The following TBC1D4 variants were observed in gnomAD, a reference collection of about 807,000 sequenced individuals.
The protein encoded by TBC1D4 is TBC (Tre-2, BUB2, CDC16) domain-containing protein.
Under a neutral mutation model 142.5 loss-of-function variants are expected in TBC1D4, and 121 were observed. The observed-to-expected ratio is 0.85, with a 90% CI of 0.73 to 0.99. The LOEUF is 0.99. Among genes scored for constraint, TBC1D4 ranks in the 50% least tolerant of loss-of-function variants. TBC1D4 has a pLI of 0.00. For synonymous variants in TBC1D4, 630 were observed against 628.2 expected, an observed-to-expected ratio of 1.00 and a Z score of -0.04; for missense variants, 1,475 against 1,606.6, an observed-to-expected ratio of 0.92 and a Z score of 1.40.
chr13:75,385,886 T>C (rs1884137822), intron 1 of TBC1D4, among the ~76,000 whole-genome samples: 1 of 152,204 alleles, frequency 6.6e-6, no homozygotes, highest in Non-Finnish European at 1.5e-5. Flanking sequence ...AGTCTTGAGA[T>C]GATAACATCA....
intron 1 of TBC1D4, among the ~76,000 whole-genome samples, chr13:75,395,650 G>C (rs1013621620): frequency 6.6e-6 from 1 of 152,062 alleles, no homozygotes; most frequent in East Asian, 1.9e-4. Flanking sequence ...GGACAACATG[G>C]AGAAACCCTA....
chr13:75,301,634 G>T (rs1876560696), intron 16 of TBC1D4, among the ~76,000 whole-genome samples: 1 of 147,986 alleles, frequency 6.8e-6, no homozygotes, highest in Non-Finnish European at 1.5e-5. Context: ...AACAGAGGGA[G>T]ACTCCATCTC....
At position 75,299,322 on chromosome 13, in the gene TBC1D4, T is replaced by TG. The variant is rs1371260784; in HGVS notation, c.3156+7dup. On this transcript the variant is annotated splice_region_variant and intron_variant, in intron 17 of 20. Transcript: ENST00000377636. The stretch of plus-strand genomic sequence containing the variant: ...TCACACCTTCCTCGGGAAGCACAAG[T>TG]GCCTCACCTGCAGCGACATCATGTC... The TG allele has an allele frequency of 3.7e-6, 6 of 1,613,838 alleles. No homozygotes were observed. Among genetic ancestry groups the TG allele is most frequent in the Non-Finnish European group, 5.1e-6 (6 of 1,180,004 alleles).
intron 1 of TBC1D4, among the ~76,000 whole-genome samples, chr13:75,421,678 C>T (rs1341362876): frequency 6.6e-6 from 1 of 152,128 alleles, no homozygotes; most frequent in Non-Finnish European, 1.5e-5. Flanking sequence ...GCAAAGAGAA[C>T]TTCTCTATTA....
chr13:75,412,459 C>T (rs748798136), intron 1 of TBC1D4, among the ~76,000 whole-genome samples: 63 of 152,090 alleles, frequency 4.1e-4, no homozygotes, highest in African/African-American at 1.4e-3. Flanking sequence ...CACACACACA[C>T]GGTTATTTTT....
chr13:75,347,710 G>A (rs916194463), intron 5 of TBC1D4, among the ~76,000 whole-genome samples: 7 of 152,262 alleles, frequency 4.6e-5, no homozygotes, highest in South Asian at 2.1e-4. Flanking sequence ...ACTGGCACCC[G>A]TTGACACACA....
rs985426096 is a variant in TBC1D4, at chr13:75,294,980, C to T, written c.3190G>A (p.Asp1064Asn). The T allele has an allele frequency of 6.2e-7, 1 of 1,613,732 alleles. No homozygotes were observed. Among genetic ancestry groups the T allele is most frequent in the African/African-American group, 1.3e-5 (1 of 74,956 alleles). ...TGATTGTAGAGATCTCTGTGATAGT[C>T]ATGAAGGAGCCTGGACAGCTGGTAC... ...QMYQLSRLLH[D>N]YHRDLYNHLE... The change falls in exon 18 of 21, where the codon GAC (aspartate) becomes AAC (asparagine). Residue 1064 changes from aspartate to asparagine, a missense_variant. Asp to Asn is a conservative substitution (Grantham distance 23, BLOSUM62 1). Coordinates refer to ENST00000377636, the MANE Select transcript of TBC1D4 (RefSeq NM_014832.5).
intron 1 of TBC1D4, among the ~76,000 whole-genome samples, chr13:75,437,268 C>T (rs554168324): frequency 1.3e-5 from 2 of 152,168 alleles, no homozygotes; most frequent in Non-Finnish European, 2.9e-5. Flanking sequence ...CTAATGGTGT[C>T]CTTGATTTCA....
Position 75,481,487 on chromosome 13 carries a change from A to C in TBC1D4, c.281T>G (p.Val94Gly). Residue 94 changes from valine (V) to glycine (G), a missense_variant, in exon 1 of 21, where the codon GTC becomes GGC. Physicochemically the swap from Val to Gly is moderately radical, Grantham distance 109. Transcript: ENST00000377636. ...LVLSAPFLRC[V>G]PAPGAGASGG... ...CGAGGCCCCAGCGCCCGGCGCGGGG[A>C]CGCAACGCAGGAAGGGCGCGCTGAG... The C allele has an allele frequency of 6.2e-7, 1 of 1,611,778 alleles. No individual in the cohort carries two copies. The highest frequency in any genetic ancestry group is 8.5e-7 in the Non-Finnish European group (1 of 1,179,054).
Position 75,341,606 on chromosome 13 carries a change from G to C in TBC1D4, c.1409-19C>G, listed in dbSNP as rs1269761548. 1 of 1,592,684 alleles carries C rather than the reference G, an allele frequency of 6.3e-7. No individual in the cohort carries two copies. ...TAGAGACCTAAGGAAAATGATGAGG[G>C]AAGGTATTAAACAGAGTCTAGCAGC... On this transcript the variant is annotated intron_variant, in intron 5 of 20. Transcript: ENST00000377636.
intron 15 of TBC1D4, 135 bp downstream of exon 15, chr13:75,306,178 C>T (rs1377383594): frequency 3.7e-6 from 3 of 811,064 alleles, no homozygotes; most frequent in East Asian, 5.4e-5. Context: ...AAACAAATTA[C>T]TTCTCTTTTT....
At chr13:75,469,726 G>A (rs946645930) in intron 1 of TBC1D4, among the ~76,000 whole-genome samples, 42 of 152,100 alleles carry the variant, frequency 2.8e-4, no homozygotes, top group African/African-American at 8.2e-4. Flanking sequence ...AGTGAGCTAC[G>A]ACTGCACCAC....
chr13:75,383,887 A>T (rs950274736), intron 1 of TBC1D4, among the ~76,000 whole-genome samples: 1 of 152,044 alleles, frequency 6.6e-6, no homozygotes, highest in Admixed American at 6.6e-5. Context: ...TTACTTCATC[A>T]TCTATTTCCT....
At chr13:75,473,360 C>T (rs1349183642) in intron 1 of TBC1D4, among the ~76,000 whole-genome samples, 1 of 152,058 alleles carries the variant, frequency 6.6e-6, no homozygotes, top group East Asian at 1.9e-4. Context: ...TTGTAAGATA[C>T]AAAAGAAGAT....
intron 15 of TBC1D4, 114 bp downstream of exon 15, chr13:75,306,176 TACTTCTCTTTTTTTACTAAGCAA>T (rs2137910229): frequency 1.3e-6 from 1 of 796,126 alleles, no homozygotes; most frequent in East Asian, 2.7e-5. Flanking sequence ...AGAAACAAAT[TACTTCTCTTTTTTTACTAAGCAA>T]AACACAAGGA....
intron 1 of TBC1D4, among the ~76,000 whole-genome samples, chr13:75,395,923 A>G (rs1259178501): frequency 6.6e-6 from 1 of 152,176 alleles, no homozygotes; most frequent in African/African-American, 2.4e-5. Flanking sequence ...TGCCCCTCCC[A>G]TTTAATTGGC....
intron 1 of TBC1D4, among the ~76,000 whole-genome samples, chr13:75,422,335 G>T (rs762348680): frequency 6.6e-6 from 1 of 152,014 alleles, no homozygotes; most frequent in Non-Finnish European, 1.5e-5. Flanking sequence ...AAATCAGACA[G>T]TCATTTCTTT....
chr13:75,405,351 C>T lies in TBC1D4; in HGVS notation c.499-42744G>A, dbSNP rs1426618536. 4.8e-5 allele frequency among the ~76,000 whole-genome samples: 7 copies of T among 146,806 alleles called. No individual in the cohort carries two copies. In the East Asian group the frequency reaches 1.2e-3, roughly 26 times the overall value. ...GTGGTGCAATCTCGGCTCACTGCAACCTCCGCCTCCCGGGTTCAAGCAATT... is the reference window on the plus strand; with the variant it reads ...GTGGTGCAATCTCGGCTCACTGCAATCTCCGCCTCCCGGGTTCAAGCAATT... On this transcript the variant is annotated intron_variant, in intron 1 of 20. Transcript: ENST00000377636.
In TBC1D4 at chr13:75,349,250, AG is replaced by A. The variant is rs1881409084; in HGVS notation, c.1327del (p.Leu443CysfsTer37). 1 of 1,613,848 alleles carries A rather than the reference AG, an allele frequency of 6.2e-7. No individual in the cohort carries two copies. ...TTTAATCTGCGTCTTGGCACTCTGC[AG>A]GGCAGCCGCCGTACTGAAGGCCTGT... ...LKQAFSTAAA[L>X]QSAKTQIKLC... On this transcript the variant is annotated frameshift_variant, in exon 5 of 21. Coordinates refer to ENST00000377636, the MANE Select transcript of TBC1D4 (RefSeq NM_014832.5). LOFTEE classifies it high-confidence loss of function.
Sources: allele counts gnomAD v4.1 joint callset (sites outside exome capture counted in the v4.1 genomes callset), GRCh38; gene constraint gnomAD v4.1.1; transcripts MANE v1.5; gene names NCBI Gene and HGNC (gene_info 2026-07-23, HGNC 2026-07-21).